DGKZ: variants seen among roughly 807,000 people sequenced by gnomAD.
DGKZ encodes diacylglycerol kinase zeta, also known as DAG kinase zeta.
Under a neutral mutation model 142.5 loss-of-function variants are expected in DGKZ, and 45 were observed. That is an observed-to-expected ratio of 0.32 (90% confidence interval 0.25 to 0.40). The LOEUF is 0.40. DGKZ is among the 10% of genes least tolerant of loss of function. The pLI is 1.00. For missense variants in DGKZ, 755 were observed against 1,306.5 expected (o/e 0.58, Z 6.51); for synonymous variants, 442 against 527.0 (o/e 0.84, Z 2.21).
At chr11:46,365,396 G>C (rs1476331705) in intron 1 of DGKZ, 5 of 985,322 alleles carry the variant, frequency 5.1e-6, no homozygotes, top group East Asian at 2.3e-4. Context: ...TCGAGCACCA[G>C]AAAGTTCTTA....
chr11:46,368,988 C>A lies in DGKZ; in HGVS notation c.445-506C>A, dbSNP rs578049704. On this transcript the variant is annotated intron_variant, in intron 4 of 30. Coordinates refer to ENST00000527911, the Ensembl canonical transcript of DGKZ. Reference sequence around the variant, plus strand: ...TGGGAGGCCGAGGTAGGTGGATCACCCTGAGGTCAGGAGTTTGAGACCAGC... The same window carrying A: ...TGGGAGGCCGAGGTAGGTGGATCACACTGAGGTCAGGAGTTTGAGACCAGC... 273 of 196,422 alleles carry A rather than the reference C, an allele frequency of 1.4e-3. No individual in the cohort carries two copies. The Middle Eastern group carries it at 0.018, about 13-fold the overall frequency. The allele number at this position is 196,422 out of a possible 1,614,324, so 12.2% of individuals were successfully genotyped here.
At chr11:46,346,507 C>T (rs1940631136), upstream of DGKZ, among the ~76,000 whole-genome samples, 1 of 152,158 alleles carries the variant, frequency 6.6e-6, no homozygotes, top group African/African-American at 2.4e-5. Context: ...GCCTCGGCTG[C>T]ATTGTGGGGT....
In DGKZ at chr11:46,367,077, C is replaced by T; in HGVS notation, c.162-214C>T. On this transcript the variant is annotated intron_variant, in intron 1 of 30. Transcript: ENST00000527911. This position sits in a 1 kb window ranked among gnomAD's most constrained non-coding sequence, Gnocchi z 4.1. ...TTGAAGCTCTGCCTGGCTGAGGGTT[C>T]CCCACTTGGGAACACTCTGGGCAGT... 7.0e-7 allele frequency: 1 copy of T among 1,428,196 alleles called. No individual in the cohort carries two copies. The highest frequency in any genetic ancestry group is 9.3e-7 in the Non-Finnish European group (1 of 1,071,390). 88.5% of individuals were successfully genotyped at this position (1,428,196 alleles called of 1,614,324 possible).
At chr11:46,379,208 C>T in exon 29 of DGKZ, 1 of 1,613,108 alleles carries the variant, frequency 6.2e-7, no homozygotes, top group Non-Finnish European at 8.5e-7. Context: ...TCCAGCCCCC[C>T]CAGAGATCCT....
At chr11:46,345,819 G>C (rs1379476301), upstream of DGKZ, among the ~76,000 whole-genome samples, 1 of 152,180 alleles carries the variant, frequency 6.6e-6, no homozygotes, top group Non-Finnish European at 1.5e-5. The surrounding 1 kb of genome is among the most constrained non-coding windows in gnomAD (Gnocchi z 4.1). Flanking sequence ...GCAGTGGGGG[G>C]ATCTGGGAAG....
In DGKZ at chr11:46,379,645, T is replaced by TG. The variant is rs1236630716; in HGVS notation, c.2688+82dup. 6 of 1,387,410 alleles carry TG rather than the reference T, an allele frequency of 4.3e-6. No homozygotes were observed. In the Admixed American group the frequency reaches 9.2e-5, roughly 21 times the overall value. The allele number at this position is 1,387,410 out of a possible 1,614,324, so 85.9% of individuals were successfully genotyped here. ...CAAGGTCCTAGGCGGGAGCTGGGGC[T>TG]GGGGGCTGTCCCTGGGAAGACACAG... is the stretch of plus-strand genomic sequence containing the variant. On this transcript the variant is annotated intron_variant, in intron 30 of 30. Coordinates refer to ENST00000527911, the Ensembl canonical transcript of DGKZ.
chr11:46,337,071 C>G (rs538928635), intron 1 of DGKZ, among the ~76,000 whole-genome samples: 8 of 151,948 alleles, frequency 5.3e-5, no homozygotes, highest in Non-Finnish European at 8.8e-5. Context: ...GCATCTCCAT[C>G]TGGGGGAAAG....
At position 46,347,555 on chromosome 11, in the gene DGKZ, C is replaced by T; in HGVS notation, c.-105C>T. On this transcript the variant is annotated 5_prime_UTR_variant, in exon 1 of 31. Transcript: ENST00000527911. The surrounding 1 kb of genome is among the most constrained non-coding windows in gnomAD (Gnocchi z 6.4). ...GCGCGGGGCGGGCGGAGCGAGCGCG[C>T]GCCATGGAGGTGGCGGGCGGCGCGG... The T allele has an allele frequency of 3.0e-6, 3 of 1,008,690 alleles. No homozygotes were observed. Among genetic ancestry groups the T allele is most frequent in the Non-Finnish European group, 2.4e-6 (2 of 846,772 alleles). The allele number at this position is 1,008,690 out of a possible 1,614,324, so 62.5% of individuals were successfully genotyped here. A position where few individuals can be genotyped will look rare whatever the true frequency, so the allele number is the denominator to read the frequency against.
At chr11:46,346,829 C>G (rs2136390426), upstream of DGKZ, among the ~76,000 whole-genome samples, 1 of 152,244 alleles carries the variant, frequency 6.6e-6, no homozygotes. Context: ...GGTTGGAAAC[C>G]ATTGTGAATA....
In DGKZ at chr11:46,378,178, C is replaced by T. The variant is rs988124044; in HGVS notation, c.2343-20C>T. The T allele has an allele frequency of 6.2e-7, 1 of 1,607,840 alleles. No individual in the cohort carries two copies. Among genetic ancestry groups the T allele is most frequent in the African/African-American group, 1.3e-5 (1 of 75,014 alleles). On this transcript the variant is annotated intron_variant, in intron 25 of 30. Coordinates refer to ENST00000527911, the Ensembl canonical transcript of DGKZ. Reference sequence around the variant, plus strand: ...TGGCCTGTGCCGTAGCCGGTCACAGCACATCATGCTCTGTTGCAGGTCACT... The same window carrying T: ...TGGCCTGTGCCGTAGCCGGTCACAGTACATCATGCTCTGTTGCAGGTCACT...
At chr11:46,355,748 T>G (rs1037714662) in intron 1 of DGKZ, among the ~76,000 whole-genome samples, 4 of 152,034 alleles carry the variant, frequency 2.6e-5, no homozygotes, top group Non-Finnish European at 5.9e-5. Flanking sequence ...GTTAAATTTT[T>G]TTTTTTTCTT....
chr11:46,365,339 C>G (rs1479392026), intron 1 of DGKZ: 1 of 985,290 alleles, frequency 1.0e-6, no homozygotes, highest in Non-Finnish European at 1.2e-6. Flanking sequence ...CCAGCTTCAC[C>G]CTGGGGTATC....
At chr11:46,377,975 T>C (rs1354087151) in intron 25 of DGKZ, 1 of 611,146 alleles carries the variant, frequency 1.6e-6, no homozygotes, top group Non-Finnish European at 2.9e-6. Context: ...TCCTTATTTA[T>C]TTGACTTGTT....
In DGKZ at chr11:46,372,186, C is replaced by A; in HGVS notation, c.927+16C>A. On this transcript the variant is annotated intron_variant, in intron 10 of 30. Transcript: ENST00000527911. The surrounding 1 kb of genome is among the most constrained non-coding windows in gnomAD (Gnocchi z 5.9). Reference sequence around the variant, plus strand: ...GGGCAACCAGGTGAACGCGGCCTTGCCTCTCAGCTAAGGGCTCGGGCGGGG... The same window carrying A: ...GGGCAACCAGGTGAACGCGGCCTTGACTCTCAGCTAAGGGCTCGGGCGGGG... The A allele has an allele frequency of 6.3e-7, 1 of 1,592,888 alleles. No homozygotes were observed. Among genetic ancestry groups the A allele is most frequent in the Admixed American group, 1.7e-5 (1 of 58,350 alleles).
intron 1 of DGKZ, chr11:46,366,725 C>A (rs903318860): frequency 1.9e-6 from 3 of 1,553,886 alleles, no homozygotes; most frequent in East Asian, 2.4e-5. Flanking sequence ...GCCCCTACCC[C>A]GCTACCTGCG....
At chr11:46,339,385 C>T (rs538891422) in intron 1 of DGKZ, among the ~76,000 whole-genome samples, 5 of 152,352 alleles carry the variant, frequency 3.3e-5, no homozygotes, top group African/African-American at 1.2e-4. Context: ...GAGGGGACCA[C>T]GGCCAGAGGA....
At position 46,352,744 on chromosome 11, in the gene DGKZ, C is replaced by T. The variant is rs532577008; in HGVS notation, c.161+4924C>T. On this transcript the variant is annotated intron_variant, in intron 1 of 30. Transcript: ENST00000527911. ...TGCCACACCTGCGGCCAGGTTCTTCCGCTCCCCGAGTTCCTGGGCCACCCC... is the reference window on the plus strand; with the variant it reads ...TGCCACACCTGCGGCCAGGTTCTTCTGCTCCCCGAGTTCCTGGGCCACCCC... 3.3e-5 allele frequency among the ~76,000 whole-genome samples: 5 copies of T among 152,332 alleles called. 1 individual carries two copies. Among genetic ancestry groups the T allele is most frequent in the East Asian group, 1.9e-4 (1 of 5,180 alleles).
Position 46,372,719 on chromosome 11 carries a change from C to T in DGKZ, c.1071+42C>T, listed in dbSNP as rs748811210. On this transcript the variant is annotated intron_variant, in intron 12 of 30. Coordinates refer to ENST00000527911, the Ensembl canonical transcript of DGKZ. This position sits in a 1 kb window ranked among gnomAD's most constrained non-coding sequence, Gnocchi z 5.9. ...GGCCAGCCGAGCACCAGGGCTGGGC[C>T]TGAAGCCGGGGTCCCTGTGGGCCTG... is the stretch of plus-strand genomic sequence containing the variant. 3 of 1,611,826 alleles carry T rather than the reference C, an allele frequency of 1.9e-6. No homozygotes were observed. In the East Asian group the frequency reaches 6.7e-5, roughly 36 times the overall value.
intron 14 of DGKZ, 21 bp from the exon 15 acceptor site, chr11:46,374,136 G>A (rs1264809511): frequency 2.5e-6 from 4 of 1,613,770 alleles, no homozygotes; most frequent in East Asian, 4.5e-5. Context: ...CCCTCATTTT[G>A]GTCCCTTGAC....
Sources: allele counts gnomAD v4.1 joint callset (sites outside exome capture counted in the v4.1 genomes callset), GRCh38; gene constraint gnomAD v4.1.1; non-coding constraint Gnocchi (gnomAD v3.1); transcripts MANE v1.5; gene names NCBI Gene and HGNC (gene_info 2026-07-23, HGNC 2026-07-21).